The following TIMM23B variants were observed in gnomAD, a reference collection of about 807,000 sequenced individuals.
TIMM23B encodes the protein translocase of inner mitochondrial membrane 23 homolog B, also known as mitochondrial import inner membrane translocase subunit Tim23B.
Under a neutral mutation model 27.3 loss-of-function variants are expected in TIMM23B, and 27 were observed. The ratio of observed to expected loss-of-function variants is 0.99; its 90% CI spans 0.73 to 1.36. The LOEUF (loss-of-function observed/expected upper bound fraction) is 1.36, where lower values mean the gene tolerates loss of function less well. TIMM23B is among the 40% of genes most tolerant of loss of function. The pLI is 0.00. For missense variants in TIMM23B, 205 were observed against 244.2 expected (o/e 0.84, Z 1.07); for synonymous variants, 73 against 92.4 (o/e 0.79, Z 1.21).
chr10:49,943,389 A>C (rs1589024631), intron 1 of TIMM23B: 1 of 151,902 alleles, frequency 6.6e-6, no homozygotes, highest in East Asian at 1.9e-4. Context: ...CTAATTTTTA[A>C]AATTTTTTTT....
At chr10:49,944,311 A>G (rs1283351810) in intron 1 of TIMM23B, among the ~76,000 whole-genome samples, 2 of 152,252 alleles carry the variant, frequency 1.3e-5, no homozygotes, top group African/African-American at 4.8e-5. Flanking sequence ...AAGTAACACA[A>G]TTCAAAATGG....
rs1220581075 is a variant in TIMM23B at position 49,949,265 on chromosome 10, G to A, written c.166-2861G>A. ...TTTATTTCAGAGTTGAATCACTAACGGCATCTGACAGCTGCTGCATTTCTT... is the reference window on the plus strand; with the variant it reads ...TTTATTTCAGAGTTGAATCACTAACAGCATCTGACAGCTGCTGCATTTCTT... On this transcript the variant is annotated intron_variant, in intron 2 of 6. Transcript: ENST00000651259. 5.4e-5 allele frequency among the ~76,000 whole-genome samples: 8 copies of A among 147,264 alleles called. No homozygotes were observed. In the Admixed American group the frequency reaches 5.5e-4, roughly 10 times the overall value.
chr10:49,971,567 G>A (rs559380986), intron 6 of TIMM23B, among the ~76,000 whole-genome samples: 22 of 152,286 alleles, frequency 1.4e-4, no homozygotes, highest in Non-Finnish European at 1.2e-4. Flanking sequence ...ACATTCTGAA[G>A]TAACATTACA....
chr10:49,957,423 A>T (rs1554914994), intron 5 of TIMM23B, among the ~76,000 whole-genome samples: 3 of 151,976 alleles, frequency 2.0e-5, no homozygotes, highest in South Asian at 2.1e-4. Flanking sequence ...TAATTTTTTT[A>T]AAAATTTTTT....
intron 6 of TIMM23B, among the ~76,000 whole-genome samples, chr10:49,966,864 CTCTA>C (rs1840185205): frequency 6.6e-6 from 1 of 152,156 alleles, no homozygotes; most frequent in East Asian, 1.9e-4. Context: ...ATAAATTACT[CTCTA>C]TCTGACAGCT....
intron 1 of TIMM23B, among the ~76,000 whole-genome samples, chr10:49,942,761 G>A (rs1839183054): frequency 6.6e-6 from 1 of 152,100 alleles, no homozygotes; most frequent in African/African-American, 2.4e-5. Context: ...AATATGACTT[G>A]GGACAGGCTA....
intron 6 of TIMM23B, among the ~76,000 whole-genome samples, chr10:49,961,090 A>AT (rs1839880002): frequency 6.6e-6 from 1 of 152,142 alleles, no homozygotes; most frequent in Admixed American, 6.5e-5. Flanking sequence ...GAAGTGAAAG[A>AT]TGATTGGGTC....
At chr10:49,970,280 GC>G (rs1404230416) in intron 6 of TIMM23B, 1 of 151,398 alleles carries the variant, frequency 6.6e-6, no homozygotes, top group Non-Finnish European at 1.5e-5. Context: ...GAGCCCCTCT[GC>G]CCGGGCTGCC....
Position 49,945,487 on chromosome 10 carries a change from C to T in TIMM23B, c.165+397C>T, listed in dbSNP as rs1279105927. Reference sequence around the variant, plus strand: ...CCTCAGCCTCCCAAATTCAGGCCATCGTCCTGCCTCAGCCTCCCGAGTAGC... The same window carrying T: ...CCTCAGCCTCCCAAATTCAGGCCATTGTCCTGCCTCAGCCTCCCGAGTAGC... On this transcript the variant is annotated intron_variant, in intron 2 of 6. Coordinates refer to ENST00000651259, the MANE Select transcript of TIMM23B (RefSeq NM_001290117.2). 4.4e-4 allele frequency among the ~76,000 whole-genome samples: 67 copies of T among 152,136 alleles called. 4 individuals carry two copies. The highest frequency in any genetic ancestry group is 5.9e-5 in the Non-Finnish European group (4 of 68,030).
chr10:49,971,223 C>A (rs1554856512), intron 6 of TIMM23B, among the ~76,000 whole-genome samples: 1 of 151,816 alleles, frequency 6.6e-6, no homozygotes, highest in East Asian at 1.9e-4. Flanking sequence ...CTAGGAAAAC[C>A]AGAGACCCTT....
In TIMM23B at chr10:49,945,068, T is replaced by C; in HGVS notation, c.143T>C (p.Val48Ala). The C allele has an allele frequency of 1.2e-6, 2 of 1,604,792 alleles. No homozygotes were observed. Among genetic ancestry groups the C allele is most frequent in the Non-Finnish European group, 1.7e-6 (2 of 1,173,966 alleles). Reference sequence around the variant, plus strand: ...AACCCTCTGTGTCCTTATTTAAATGTGGATCCACGATACCTCGTGCAGGTA... The same window carrying C: ...AACCCTCTGTGTCCTTATTTAAATGCGGATCCACGATACCTCGTGCAGGTA... ...GMNPLCPYLN[V>A]DPRYLVQDTD... The change falls in exon 2 of 7, where the codon GTG (valine) becomes GCG (alanine). Residue 48 changes from valine to alanine, a missense_variant. Transcript: ENST00000651259.
rs1420328101 is a variant in TIMM23B, at chr10:49,955,637, A to G, written c.403+577A>G. Among the ~76,000 whole-genome samples, 17 of 152,350 alleles carry G rather than the reference A, an allele frequency of 1.1e-4. No individual in the cohort carries two copies. In the East Asian group the frequency reaches 1.7e-3, roughly 16 times the overall value. On this transcript the variant is annotated intron_variant, in intron 5 of 6. Coordinates refer to ENST00000651259, the MANE Select transcript of TIMM23B (RefSeq NM_001290117.2). Reference sequence around the variant, plus strand: ...GTTTATGAATGATTGATCACTTACAATAGATCTCTTATGGCTTATGTCCTG... The same window carrying G: ...GTTTATGAATGATTGATCACTTACAGTAGATCTCTTATGGCTTATGTCCTG...
chr10:49,963,983 A>G (rs1251297621), intron 6 of TIMM23B, among the ~76,000 whole-genome samples: 1 of 152,180 alleles, frequency 6.6e-6, no homozygotes, highest in African/African-American at 2.4e-5. Flanking sequence ...ATGACATGAC[A>G]TGATGAAATG....
intron 6 of TIMM23B, among the ~76,000 whole-genome samples, chr10:49,966,846 T>C (rs768854091): frequency 1.2e-4 from 18 of 152,176 alleles, no homozygotes; most frequent in Non-Finnish European, 2.6e-4. Flanking sequence ...AATAAATAAA[T>C]GAATAAAATA....
intron 6 of TIMM23B, among the ~76,000 whole-genome samples, chr10:49,967,200 G>T (rs1554855577): frequency 6.6e-6 from 1 of 152,066 alleles, no homozygotes; most frequent in Non-Finnish European, 1.5e-5. Flanking sequence ...GGGATTACAG[G>T]TGTGAACCAC....
chr10:49,974,355 A>G lies in TIMM23B; in HGVS notation c.*1291A>G, dbSNP rs187935802. 1.3e-4 allele frequency: 19 copies of G among 151,782 alleles called. No homozygotes were observed. Among genetic ancestry groups the G allele is most frequent in the African/African-American group, 4.1e-4 (17 of 41,130 alleles). 9.4% of individuals were successfully genotyped at this position (151,782 alleles called of 1,614,324 possible). Reference sequence around the variant, plus strand: ...GCCTGTCTGTTGACATTATCTGTAAAAATTGTGGGAAGTTTTCTGCACCCT... The same window carrying G: ...GCCTGTCTGTTGACATTATCTGTAAGAATTGTGGGAAGTTTTCTGCACCCT... On this transcript the variant is annotated 3_prime_UTR_variant, in exon 7 of 7. Transcript: ENST00000651259.
chr10:49,968,692 G>A (rs1186948769), intron 6 of TIMM23B, among the ~76,000 whole-genome samples: 9 of 151,974 alleles, frequency 5.9e-5, no homozygotes, highest in Admixed American at 3.9e-4. Context: ...AACATTATCC[G>A]GGCATGGTGG....
chr10:49,946,063 A>G (rs1329254523), intron 2 of TIMM23B, among the ~76,000 whole-genome samples: 11 of 152,046 alleles, frequency 7.2e-5, no homozygotes, highest in Non-Finnish European at 1.3e-4. Context: ...GGTGGTGCCT[A>G]CCTGTAATCC....
intron 1 of TIMM23B, among the ~76,000 whole-genome samples, chr10:49,942,911 C>T (rs1839196768): frequency 6.6e-6 from 1 of 152,144 alleles, no homozygotes; most frequent in Non-Finnish European, 1.5e-5. Flanking sequence ...CTTGCCTTTG[C>T]CTCTCCTCGG....
Sources: gnomAD v4.1 joint callset for allele counts (sites outside exome capture counted in the v4.1 genomes callset) on GRCh38, gnomAD v4.1.1 for gene constraint, MANE v1.5 for transcripts, NCBI Gene and HGNC (gene_info 2026-07-23, HGNC 2026-07-21) for gene names.